The following COL21A1 variants were observed in gnomAD, a reference collection of about 807,000 sequenced individuals.
COL21A1 encodes the protein collagen alpha-1(XXI) chain.
COL21A1 carries 149 observed loss-of-function variants against 137.9 expected under a neutral mutation model. The observed-to-expected ratio is 1.08, with a 90% confidence interval of 0.95 to 1.24. The LOEUF (loss-of-function observed/expected upper bound fraction) is 1.24. Among genes scored for constraint, COL21A1 ranks in the 50% most tolerant of loss-of-function variants. COL21A1 has a pLI of 0.00. For synonymous variants in COL21A1, 456 were observed against 391.5 expected (o/e 1.16, Z -1.95); for missense variants, 1,167 against 1,158.4 (o/e 1.01, Z -0.11).
chr6:56,184,881 A>G (rs1778163420), intron 1 of COL21A1, among the ~76,000 whole-genome samples: 1 of 152,200 alleles, frequency 6.6e-6, no homozygotes, highest in Non-Finnish European at 1.5e-5. Flanking sequence ...TCACCTGTCC[A>G]CTTATCATCT....
At chr6:56,220,773 T>C (rs991758200) in intron 1 of COL21A1, among the ~76,000 whole-genome samples, 1 of 152,166 alleles carries the variant, frequency 6.6e-6, no homozygotes, top group Non-Finnish European at 1.5e-5. Flanking sequence ...AACCAGGCAA[T>C]GGACTAAGCA....
intron 1 of COL21A1, among the ~76,000 whole-genome samples, chr6:56,286,813 G>C (rs550537894): frequency 6.6e-6 from 1 of 152,274 alleles, no homozygotes; most frequent in East Asian, 1.9e-4. Context: ...ACAAGTATGA[G>C]AAGGGGCCAT....
At chr6:56,346,051 C>T (rs192473366) in intron 1 of COL21A1, among the ~76,000 whole-genome samples, 64 of 152,312 alleles carry the variant, frequency 4.2e-4, no homozygotes, top group Middle Eastern at 6.8e-3. Flanking sequence ...TACCTCCTAC[C>T]TTTTGTAGTA....
At chr6:56,095,557 G>A (rs1459522874) in intron 17 of COL21A1, among the ~76,000 whole-genome samples, 1 of 152,130 alleles carries the variant, frequency 6.6e-6, no homozygotes, top group Non-Finnish European at 1.5e-5. Context: ...AGCCCTTCCT[G>A]GTTTGGCCTC....
chr6:56,168,373 G>A, intron 5 of COL21A1, 76 bp from the exon 6 acceptor site: 2 of 1,221,900 alleles, frequency 1.6e-6, no homozygotes, highest in East Asian at 5.2e-5. Flanking sequence ...TTACTCCCTT[G>A]TTCCTAACCA....
intron 1 of COL21A1, among the ~76,000 whole-genome samples, chr6:56,362,708 T>G: frequency 6.6e-6 from 1 of 152,070 alleles, no homozygotes; most frequent in East Asian, 1.9e-4. Context: ...CTGCCAGCAT[T>G]TATACACAGT....
At chr6:56,123,541 T>C (rs531362577) in intron 16 of COL21A1, among the ~76,000 whole-genome samples, 6 of 152,284 alleles carry the variant, frequency 3.9e-5, no homozygotes, top group African/African-American at 1.4e-4. Flanking sequence ...TATACAAATC[T>C]TCTCCTTAGG....
intron 2 of COL21A1, among the ~76,000 whole-genome samples, chr6:56,180,649 C>A (rs188113627): frequency 1.7e-4 from 26 of 152,240 alleles, no homozygotes; most frequent in African/African-American, 5.5e-4. Flanking sequence ...ATCTTTGGTG[C>A]AAGTTACATT....
At chr6:56,247,920 C>G (rs1782738875), upstream of COL21A1, among the ~76,000 whole-genome samples, 1 of 152,200 alleles carries the variant, frequency 6.6e-6, no homozygotes, top group Non-Finnish European at 1.5e-5. Context: ...TCGAAGGAGG[C>G]CTGCCTCCCT....
chr6:56,098,650 TATATAAATATATATAA>T (rs1770074311), intron 17 of COL21A1, among the ~76,000 whole-genome samples: 2 of 51,530 alleles, frequency 3.9e-5, no homozygotes, highest in Non-Finnish European at 6.0e-5. Flanking sequence ...TATATATAAA[TATATAAATATATATAA>T]ATATATATAT....
chr6:56,106,977 C>T (rs1400020875), intron 16 of COL21A1, among the ~76,000 whole-genome samples: 3 of 152,010 alleles, frequency 2.0e-5, no homozygotes, highest in Non-Finnish European at 2.9e-5. Flanking sequence ...TTAGTAGAGA[C>T]GGGGTTTCAC....
At chr6:56,378,365 G>A (rs555757344) in intron 1 of COL21A1, among the ~76,000 whole-genome samples, 1 of 152,102 alleles carries the variant, frequency 6.6e-6, no homozygotes, top group African/African-American at 2.4e-5. Flanking sequence ...ATGAGTCCCA[G>A]GCCAGATAGC....
intron 12 of COL21A1, among the ~76,000 whole-genome samples, chr6:56,139,062 C>G (rs1006245988): frequency 1.3e-5 from 2 of 151,942 alleles, no homozygotes; most frequent in African/African-American, 4.8e-5. Flanking sequence ...GGTACATATA[C>G]GGGTAGGAGG....
chr6:56,251,803 A>G (rs1352390409), upstream of COL21A1, among the ~76,000 whole-genome samples: 2 of 152,212 alleles, frequency 1.3e-5, no homozygotes, highest in Non-Finnish European at 2.9e-5. Context: ...GGTTATCCCA[A>G]GAAAATATGA....
At chr6:56,087,469 T>C (rs908588291) in intron 17 of COL21A1, among the ~76,000 whole-genome samples, 3 of 152,136 alleles carry the variant, frequency 2.0e-5, no homozygotes, top group African/African-American at 7.2e-5. Flanking sequence ...GCTGGAGACA[T>C]TGTCTAATAT....
chr6:56,253,970 G>GA (rs1782915037), intron 1 of COL21A1, among the ~76,000 whole-genome samples: 1 of 152,052 alleles, frequency 6.6e-6, no homozygotes, highest in East Asian at 1.9e-4. Flanking sequence ...AGGTAAAGAT[G>GA]AAAAAAATCA....
At chr6:56,172,250 A>C (rs2152274079) in intron 3 of COL21A1, among the ~76,000 whole-genome samples, 1 of 152,264 alleles carries the variant, frequency 6.6e-6, no homozygotes, top group African/African-American at 2.4e-5. Flanking sequence ...CAAAAGTTAA[A>C]GGCAAAGATC....
Position 56,180,142 on chromosome 6 carries a change from G to C in COL21A1, c.89-13C>G, listed in dbSNP as rs567034672. 7 of 1,585,574 alleles carry C rather than the reference G, an allele frequency of 4.4e-6. 1 individual carries two copies. In the South Asian group the frequency reaches 7.0e-5, roughly 16 times the overall value. ...GCAGTACGACAACCTAAGTGCAAAA[G>C]AAAACCATCATAGCACATCTTTTAT... On this transcript the variant is annotated splice_polypyrimidine_tract_variant and intron_variant, in intron 2 of 29. Transcript: ENST00000244728.
intron 17 of COL21A1, among the ~76,000 whole-genome samples, chr6:56,092,274 C>A (rs1048864226): frequency 6.6e-6 from 1 of 151,988 alleles, no homozygotes; most frequent in Non-Finnish European, 1.5e-5. Context: ...ACATAACAGA[C>A]AACAAAAACC....
Sources: allele counts gnomAD v4.1 joint callset (sites outside exome capture counted in the v4.1 genomes callset), GRCh38; gene constraint gnomAD v4.1.1; transcripts MANE v1.5; gene names NCBI Gene and HGNC (gene_info 2026-07-23, HGNC 2026-07-21).